Variants in UTRN observed in about 807,000 individuals in gnomAD.
The protein encoded by UTRN is utrophin.
A neutral mutation model predicts 463.9 loss-of-function variants in UTRN; 283 were observed. The observed-to-expected ratio is 0.61, with a 90% CI of 0.55 to 0.67. The LOEUF is 0.67. Ranked by LOEUF, UTRN falls within the 30% of genes least tolerant of loss-of-function variation. The pLI is 0.00. For synonymous variants in UTRN, 1,442 were observed against 1,431.5 expected, an observed-to-expected ratio of 1.01 and a Z score of -0.17; for missense variants, 3,922 against 4,084.3, an observed-to-expected ratio of 0.96 and a Z score of 1.08.
At chr6:144,342,196 G>T (rs1156578745) in intron 2 of UTRN, among the ~76,000 whole-genome samples, 3 of 152,178 alleles carry the variant, frequency 2.0e-5, no homozygotes, top group Admixed American at 2.0e-4. Context: ...ACAAATATTG[G>T]TGAGGATGTG....
intron 2 of UTRN, among the ~76,000 whole-genome samples, chr6:144,381,065 A>G (rs1035110596): frequency 6.6e-6 from 1 of 150,380 alleles, no homozygotes; most frequent in Non-Finnish European, 1.5e-5. Context: ...GGTTTGTTTC[A>G]TGGGTAAATG....
chr6:144,408,907 C>T (rs1466136610), intron 3 of UTRN, among the ~76,000 whole-genome samples: 1 of 152,186 alleles, frequency 6.6e-6, no homozygotes, highest in Non-Finnish European at 1.5e-5. Flanking sequence ...TGACAGGCTT[C>T]CTGTGTGAAG....
chr6:144,470,914 C>T (rs1215362886), intron 23 of UTRN, among the ~76,000 whole-genome samples: 1 of 151,598 alleles, frequency 6.6e-6, no homozygotes, highest in Non-Finnish European at 1.5e-5. Context: ...CGATCCCAGG[C>T]ACTCGGCAGG....
chr6:144,726,744 TA>T (rs2128712175), intron 53 of UTRN, among the ~76,000 whole-genome samples: 1 of 152,168 alleles, frequency 6.6e-6, no homozygotes, highest in South Asian at 2.1e-4. Context: ...TAGACAGCCT[TA>T]AAAAGGATGA....
chr6:144,712,287 G>A (rs541732712), intron 53 of UTRN, among the ~76,000 whole-genome samples: 1 of 152,240 alleles, frequency 6.6e-6, no homozygotes, highest in African/African-American at 2.4e-5. Flanking sequence ...CACCCCATTT[G>A]GTTGTCTGCA....
chr6:144,788,565 ATTTT>A (rs796235314), intron 61 of UTRN, among the ~76,000 whole-genome samples: 2 of 136,830 alleles, frequency 1.5e-5, no homozygotes, highest in Non-Finnish European at 3.2e-5. Context: ...AATTCATAGT[ATTTT>A]TTTTTTTTTT....
At chr6:144,489,890 G>A (rs1792884936) in intron 30 of UTRN, among the ~76,000 whole-genome samples, 181 bp from the exon 31 acceptor site, 1 of 152,114 alleles carries the variant, frequency 6.6e-6, no homozygotes. Context: ...AAAGTGTTGG[G>A]ATTACAGGCA....
At chr6:144,572,103 GT>G (rs1481451991) in intron 50 of UTRN, among the ~76,000 whole-genome samples, 1 of 152,090 alleles carries the variant, frequency 6.6e-6, no homozygotes, top group Admixed American at 6.6e-5. Context: ...TCCTTTGTAA[GT>G]TTTGTCACGT....
intron 52 of UTRN, among the ~76,000 whole-genome samples, chr6:144,686,621 G>T (rs1410106954): frequency 1.3e-5 from 2 of 152,022 alleles, no homozygotes; most frequent in Non-Finnish European, 2.9e-5. Context: ...TTGTTGGATT[G>T]ATCCTTTTGT....
intron 51 of UTRN, among the ~76,000 whole-genome samples, chr6:144,582,668 G>GC (rs1802076940): frequency 6.6e-6 from 1 of 152,148 alleles, no homozygotes; most frequent in Non-Finnish European, 1.5e-5. Flanking sequence ...TATTCACTTA[G>GC]CTGTTTAATT....
At chr6:144,481,952 G>A (rs925311957) in intron 26 of UTRN, among the ~76,000 whole-genome samples, 6 of 152,164 alleles carry the variant, frequency 3.9e-5, no homozygotes, top group South Asian at 2.1e-4. Flanking sequence ...ACAGCTTCTC[G>A]GGAGGCTGAG....
intron 2 of UTRN, among the ~76,000 whole-genome samples, chr6:144,402,414 A>G (rs901074888): frequency 6.6e-6 from 1 of 152,218 alleles, no homozygotes; most frequent in African/African-American, 2.4e-5. Flanking sequence ...CCTTGTATGT[A>G]ACCAAATCCT....
intron 53 of UTRN, among the ~76,000 whole-genome samples, chr6:144,703,565 G>C (rs926156871): frequency 4.6e-5 from 7 of 152,162 alleles, no homozygotes; most frequent in Non-Finnish European, 1.0e-4. Flanking sequence ...AGAAGGAAGA[G>C]CCAGAAGGCT....
At chr6:144,510,773 C>T (rs115583745) in intron 34 of UTRN, among the ~76,000 whole-genome samples, 171 bp from the exon 35 acceptor site, 149 of 152,216 alleles carry the variant, frequency 9.8e-4, no homozygotes, top group African/African-American at 3.5e-3. Context: ...CTTAAGAATT[C>T]TCACTATGTT....
chr6:144,690,072 C>CTTTTTTTTTTTTTTTTTTTTTTTT (rs1428641511), intron 52 of UTRN, among the ~76,000 whole-genome samples: 1 of 35,662 alleles, frequency 2.8e-5, no homozygotes, highest in African/African-American at 1.2e-4. Context: ...CCAAAAGTTT[C>CTTTTTTTTTTTTTTTTTTTTTTTT]TGTTTTTTTT....
chr6:144,846,520 G>T (rs1162046633), intron 73 of UTRN, among the ~76,000 whole-genome samples: 1 of 152,178 alleles, frequency 6.6e-6, no homozygotes, highest in Non-Finnish European at 1.5e-5. Context: ...AATAGGAAAT[G>T]AGATTTTTTG....
intron 51 of UTRN, among the ~76,000 whole-genome samples, chr6:144,675,705 G>C (rs543607387): frequency 3.3e-5 from 5 of 152,304 alleles, no homozygotes; most frequent in African/African-American, 9.6e-5. Flanking sequence ...GGGTAAGGCT[G>C]TAAAACTCCC....
intron 50 of UTRN, among the ~76,000 whole-genome samples, chr6:144,573,447 A>C (rs1337821444): frequency 1.3e-5 from 2 of 152,030 alleles, no homozygotes; most frequent in African/African-American, 4.8e-5. Context: ...TAGTTCCAGC[A>C]CTTTGGGAGG....
At chr6:144,287,553 T>C (rs926457502) in intron 1 of UTRN, among the ~76,000 whole-genome samples, 3 of 152,210 alleles carry the variant, frequency 2.0e-5, no homozygotes, top group Admixed American at 2.0e-4. Flanking sequence ...CTGTTGGATA[T>C]ATATGTGCTA....
Sources: gnomAD v4.1 joint callset for allele counts (sites outside exome capture counted in the v4.1 genomes callset) on GRCh38, gnomAD v4.1.1 for gene constraint, MANE v1.5 for transcripts, NCBI Gene and HGNC (gene_info 2026-07-23, HGNC 2026-07-21) for gene names.